PCDH17: variants seen among roughly 807,000 people sequenced by gnomAD.
The protein encoded by PCDH17 is protocadherin 17.
PCDH17 carries 21 observed loss-of-function variants against 67.7 expected under a neutral mutation model. The observed-to-expected ratio is 0.31, with a 90% CI of 0.22 to 0.45. The LOEUF is 0.45. Among genes scored for constraint, PCDH17 ranks in the 20% least tolerant of loss-of-function variants. The probability of loss-of-function intolerance (pLI) is 1.00; values close to 1 mark genes in which losing one functional copy is unlikely to be tolerated. For synonymous variants in PCDH17, 701 were observed against 656.7 expected (o/e 1.07, Z -1.03); for missense variants, 1,471 against 1,564.8 (o/e 0.94, Z 1.01).
chr13:57,724,261 G>T (rs1955894417), intron 3 of PCDH17, among the ~76,000 whole-genome samples: 1 of 152,076 alleles, frequency 6.6e-6, no homozygotes, highest in African/African-American at 2.4e-5. Context: ...CTTTTTTGAA[G>T]TTCACTGTTT....
intron 3 of PCDH17, among the ~76,000 whole-genome samples, chr13:57,672,954 C>T (rs772190840): frequency 3.3e-5 from 5 of 152,066 alleles, no homozygotes; most frequent in Middle Eastern, 3.4e-3. Flanking sequence ...TATCACCAGA[C>T]CAAGTCTAAA....
intron 3 of PCDH17, among the ~76,000 whole-genome samples, chr13:57,669,703 G>A (rs1393037451): frequency 5.3e-5 from 8 of 151,978 alleles, no homozygotes; most frequent in East Asian, 3.9e-4. Context: ...AAGCTAACTC[G>A]AAGTTTATTA....
intron 3 of PCDH17, among the ~76,000 whole-genome samples, chr13:57,674,108 A>G (rs184140428): frequency 2.4e-4 from 37 of 152,020 alleles, no homozygotes; most frequent in Admixed American, 1.2e-3. Flanking sequence ...AAAGCCTCCT[A>G]ACAAGTGTTG....
intron 3 of PCDH17, among the ~76,000 whole-genome samples, chr13:57,721,914 C>G (rs763005072): frequency 1.3e-5 from 2 of 152,132 alleles, no homozygotes; most frequent in Non-Finnish European, 2.9e-5. Flanking sequence ...ATTTCCCTCT[C>G]TCACAAATTC....
upstream of PCDH17, among the ~76,000 whole-genome samples, chr13:57,630,409 T>G (rs1317348252): frequency 6.6e-6 from 1 of 151,204 alleles, no homozygotes; most frequent in Admixed American, 6.6e-5. Context: ...ACATCGATGT[T>G]GGACTTTGTG....
intron 3 of PCDH17, among the ~76,000 whole-genome samples, chr13:57,675,241 T>C (rs889162187): frequency 6.6e-6 from 1 of 151,948 alleles, no homozygotes; most frequent in Non-Finnish European, 1.5e-5. Context: ...AACACTAGGA[T>C]GTATATATTT....
At chr13:57,691,971 T>C (rs1288163457) in intron 3 of PCDH17, among the ~76,000 whole-genome samples, 3 of 151,254 alleles carry the variant, frequency 2.0e-5, no homozygotes, top group African/African-American at 7.3e-5. Context: ...TATTAAATTT[T>C]AATACAAGTA....
intron 1 of PCDH17, among the ~76,000 whole-genome samples, chr13:57,636,042 A>G (rs1420281610): frequency 6.6e-6 from 1 of 152,200 alleles, no homozygotes; most frequent in Non-Finnish European, 1.5e-5. Context: ...TATTTAATAT[A>G]TATAAGATAG....
chr13:57,648,874 G>A (rs1955001036), intron 1 of PCDH17, among the ~76,000 whole-genome samples: 1 of 152,028 alleles, frequency 6.6e-6, no homozygotes, highest in Non-Finnish European at 1.5e-5. Context: ...CCTTTTGCCA[G>A]TGTAAGTATA....
intron 3 of PCDH17, among the ~76,000 whole-genome samples, chr13:57,679,437 G>A (rs1357026455): frequency 6.6e-6 from 1 of 150,810 alleles, no homozygotes; most frequent in African/African-American, 2.4e-5. Flanking sequence ...TTTACTTTGG[G>A]AAGCTAAAAA....
chr13:57,691,545 A>AT (rs1404420793), intron 3 of PCDH17, among the ~76,000 whole-genome samples: 3 of 151,270 alleles, frequency 2.0e-5, no homozygotes, highest in Non-Finnish European at 4.4e-5. Context: ...TTTTGTGATT[A>AT]TTTTTTAATG....
intron 3 of PCDH17, among the ~76,000 whole-genome samples, chr13:57,668,935 G>A (rs1177902188): frequency 1.3e-5 from 2 of 152,030 alleles, no homozygotes; most frequent in Non-Finnish European, 2.9e-5. Context: ...TTGGTGTGCT[G>A]TACCCATTAA....
chr13:57,678,685 A>T (rs1405628004), intron 3 of PCDH17, among the ~76,000 whole-genome samples: 1 of 151,630 alleles, frequency 6.6e-6, no homozygotes, highest in Non-Finnish European at 1.5e-5. Context: ...AAAATTACCA[A>T]GATACTCTAC....
chr13:57,633,446 C>T lies in PCDH17; in HGVS notation c.900C>T (p.Thr300=). Residue 300 remains threonine, a synonymous_variant, in exon 1 of 4, where the codon ACC becomes ACT. Transcript: ENST00000377918. The surrounding 1 kb of genome is among the most constrained non-coding windows in gnomAD (Gnocchi z 6.2). ...AGCTCTTCTCCATCGACCCCAAGAC[C>T]GGCCTAATCCGTGTGAAGGGCAATC... ...VRELFSIDPK[T]GLIRVKGNLD... The T allele has an allele frequency of 1.2e-6, 2 of 1,613,676 alleles. No individual in the cohort carries two copies. Among genetic ancestry groups the T allele is most frequent in the Non-Finnish European group, 1.7e-6 (2 of 1,180,026 alleles).
chr13:57,711,090 AT>A (rs1206145126), intron 3 of PCDH17, among the ~76,000 whole-genome samples: 1 of 151,858 alleles, frequency 6.6e-6, no homozygotes, highest in Non-Finnish European at 1.5e-5. Flanking sequence ...AAAGTGTTAT[AT>A]TTTTTTCATT....
At chr13:57,667,809 G>A (rs1955272465) in intron 3 of PCDH17, among the ~76,000 whole-genome samples, 1 of 149,866 alleles carries the variant, frequency 6.7e-6, no homozygotes, top group Admixed American at 6.7e-5. Flanking sequence ...AAGTTTTCTA[G>A]TCGTTAAAAT....
chr13:57,665,904 C>T (rs1955247134), intron 1 of PCDH17, among the ~76,000 whole-genome samples: 1 of 151,964 alleles, frequency 6.6e-6, no homozygotes, highest in Admixed American at 6.6e-5. Context: ...ACATAATTTC[C>T]ATAGTTGGGT....
intron 1 of PCDH17, among the ~76,000 whole-genome samples, chr13:57,647,306 G>T (rs1335112603): frequency 1.3e-5 from 2 of 151,604 alleles, no homozygotes; most frequent in East Asian, 1.9e-4. Context: ...TGAAAGAAAA[G>T]GAAATAAATT....
At chr13:57,682,880 C>A (rs1239979237) in intron 3 of PCDH17, among the ~76,000 whole-genome samples, 1 of 151,812 alleles carries the variant, frequency 6.6e-6, no homozygotes, top group Non-Finnish European at 1.5e-5. Context: ...TAGGGTAGTT[C>A]TGTTAAAGTC....
Sources: allele counts gnomAD v4.1 joint callset (sites outside exome capture counted in the v4.1 genomes callset), GRCh38; gene constraint gnomAD v4.1.1; non-coding constraint Gnocchi (gnomAD v3.1); transcripts MANE v1.5; gene names NCBI Gene and HGNC (gene_info 2026-07-23, HGNC 2026-07-21).